Variants in NODAL observed in about 807,000 individuals in gnomAD.
The protein encoded by NODAL is nodal homolog.
Under a neutral mutation model 34.0 loss-of-function variants are expected in NODAL, and 12 were observed. That is an observed-to-expected ratio of 0.35 (90% confidence interval 0.23 to 0.57). The LOEUF is 0.57. Ranked by LOEUF, NODAL falls within the 20% of genes least tolerant of loss-of-function variation. NODAL has a pLI of 0.83. For missense variants in NODAL, 390 were observed against 444.2 expected, an observed-to-expected ratio of 0.88 and a Z score of 1.10; for synonymous variants, 162 against 186.4, an observed-to-expected ratio of 0.87 and a Z score of 1.07.
In NODAL at chr10:70,435,343, G is replaced by A. The variant is rs1564667124; in HGVS notation, c.834C>T (p.Gly278=). The A allele has an allele frequency of 3.1e-6, 5 of 1,614,064 alleles. No homozygotes were observed. The highest frequency in any genetic ancestry group is 3.4e-6 in the Non-Finnish European group (4 of 1,179,956). Residue 278 remains glycine, a synonymous_variant, in exon 2 of 3, where the codon GGC becomes GGT. Coordinates refer to ENST00000287139, the MANE Select transcript of NODAL (RefSeq NM_018055.5). ...CCTCCCCAACAGGATTAGGACACTC[G>A]CCCTCACAGCGATAGGCGTTGTACT... The part of the protein sequence containing the change: ...PKQYNAYRCE[G]ECPNPVGEEF...
intron 1 of NODAL, chr10:70,436,551 T>TGAAA (rs1845356381): frequency 3.3e-5 from 1 of 30,608 alleles, no homozygotes; most frequent in Non-Finnish European, 7.3e-5. Context: ...AGAGTGAAAC[T>TGAAA]CTGTCTCAAA....
intron 1 of NODAL, chr10:70,436,345 A>G: frequency 5.8e-6 from 2 of 344,342 alleles, no homozygotes; most frequent in Non-Finnish European, 1.1e-5. Flanking sequence ...GATGAGTTGC[A>G]TCTCCCCCTC....
chr10:70,445,210 T>C (rs1028432533), upstream of NODAL, among the ~76,000 whole-genome samples: 2 of 152,190 alleles, frequency 1.3e-5, no homozygotes, highest in African/African-American at 2.4e-5. Context: ...AAAGATGGCA[T>C]GCTTTCCATG....
intron 1 of NODAL, among the ~76,000 whole-genome samples, chr10:70,438,314 T>C (rs1845383374): frequency 6.6e-6 from 1 of 152,002 alleles, no homozygotes; most frequent in Non-Finnish European, 1.5e-5. Flanking sequence ...AAAAACTTTA[T>C]CTCAACTCTT....
chr10:70,440,177 G>A (rs895318762), intron 1 of NODAL, among the ~76,000 whole-genome samples: 1 of 152,176 alleles, frequency 6.6e-6, no homozygotes, highest in Non-Finnish European at 1.5e-5. Flanking sequence ...GGGACAACAG[G>A]GAATCAGGAA....
rs536116678 is a variant in NODAL at position 70,432,789 on chromosome 10, T to A, written c.*147A>T. 1.1e-6 allele frequency: 1 copy of A among 869,662 alleles called. No individual in the cohort carries two copies. Among genetic ancestry groups the A allele is most frequent in the South Asian group, 1.4e-5 (1 of 72,258 alleles). The allele number at this position is 869,662 out of a possible 1,614,324, so 53.9% of individuals were successfully genotyped here. A position where few individuals can be genotyped will look rare whatever the true frequency, so the allele number is the denominator to read the frequency against. ...TCCACTGAGCCCTTCATTTACAGAG[T>A]GGGCAGCCCCTCCTCTTCAGTTCTG... On this transcript the variant is annotated 3_prime_UTR_variant, in exon 3 of 3. Coordinates refer to ENST00000287139, the MANE Select transcript of NODAL (RefSeq NM_018055.5).
chr10:70,435,171 G>T, intron 2 of NODAL, 115 bp downstream of exon 2: 2 of 899,746 alleles, frequency 2.2e-6, no homozygotes, highest in Non-Finnish European at 3.5e-6. Flanking sequence ...CTGGTACATT[G>T]GAGGTGCTTG....
In NODAL at chr10:70,432,509, TCACA is replaced by T. The variant is rs944864514; in HGVS notation, c.*423_*426del. 13 of 300,064 alleles carry T rather than the reference TCACA, an allele frequency of 4.3e-5. No homozygotes were observed. The highest frequency in any genetic ancestry group is 4.6e-5 in the Non-Finnish European group (7 of 153,542). The allele number at this position is 300,064 out of a possible 1,614,324, so 18.6% of individuals were successfully genotyped here. A position where few individuals can be genotyped will look rare whatever the true frequency, so the allele number is the denominator to read the frequency against. On this transcript the variant is annotated 3_prime_UTR_variant, in exon 3 of 3. Coordinates refer to ENST00000287139, the MANE Select transcript of NODAL (RefSeq NM_018055.5). ...CTTAATCTTTGGGGAGGGGGACAGG[TCACA>T]CACAGACTACTTTGGAGAATACATG...
At chr10:70,442,606 T>C (rs1845445008), upstream of NODAL, among the ~76,000 whole-genome samples, 1 of 152,218 alleles carries the variant, frequency 6.6e-6, no homozygotes, top group African/African-American at 2.4e-5. Context: ...CCCCAGTGTC[T>C]GGCCCCATCC....
rs748622757 is a variant in NODAL, at chr10:70,432,980, C to T, written c.1000G>A (p.Asp334Asn). 1.9e-6 allele frequency: 3 copies of T among 1,614,132 alleles called. No homozygotes were observed. Among genetic ancestry groups the T allele is most frequent in the African/African-American group, 1.3e-5 (1 of 75,014 alleles). ...TCCACGATCATGTCTTTATGGTGAT[C>T]TAGGAGCACTCTGCCATTATCCACA... ...LYVDNGRVLL[D>N]HHKDMIVEEC... Residue 334 changes from aspartate to asparagine, a missense_variant, in exon 3 of 3, where the codon GAT (aspartate) becomes AAT (asparagine). Asp to Asn is a conservative substitution (Grantham distance 23). Coordinates refer to ENST00000287139, the MANE Select transcript of NODAL (RefSeq NM_018055.5).
chr10:70,437,958 C>T (rs1028783538), intron 1 of NODAL, among the ~76,000 whole-genome samples: 1 of 152,124 alleles, frequency 6.6e-6, no homozygotes, highest in Non-Finnish European at 1.5e-5. Context: ...CTCACTGCTG[C>T]CACCTGTACC....
At chr10:70,436,297 G>C in intron 1 of NODAL, 2 of 421,264 alleles carry the variant, frequency 4.7e-6, no homozygotes, top group East Asian at 5.2e-5. Context: ...CCCCTTCCAA[G>C]ATAACTTGCA....
chr10:70,436,111 C>G (rs577211839), intron 1 of NODAL, 128 bp from the exon 2 acceptor site: 47 of 788,230 alleles, frequency 6.0e-5, no homozygotes, highest in South Asian at 5.4e-4. Flanking sequence ...GAATTCTCAC[C>G]CCAACTCTAT....
intron 1 of NODAL, among the ~76,000 whole-genome samples, chr10:70,439,666 A>T (rs1251096493): frequency 6.6e-6 from 1 of 152,222 alleles, no homozygotes; most frequent in Non-Finnish European, 1.5e-5. Context: ...AGATGGAAGG[A>T]GTGGGGCCAG....
Position 70,441,560 on chromosome 10 carries a change from C to G in NODAL, c.108G>C (p.Ser36=). 6.3e-7 allele frequency: 1 copy of G among 1,581,308 alleles called. No homozygotes were observed. The highest frequency in any genetic ancestry group is 1.2e-5 in the South Asian group (1 of 86,720). The change falls in exon 1 of 3, where the codon TCG becomes TCC. Residue 36 remains serine, a synonymous_variant. Transcript: ENST00000287139. ...TALLRTRGQP[S]SPSPLAYMLS... ...GCATGTACGCCAGAGGGGATGGCGA[C>G]GAGGGCTGCCCCCGCGTACGCAGGA...
chr10:70,437,536 A>G (rs1424116104), intron 1 of NODAL, among the ~76,000 whole-genome samples: 3 of 152,266 alleles, frequency 2.0e-5, no homozygotes, highest in Non-Finnish European at 4.4e-5. Flanking sequence ...CTCTCTGATT[A>G]TCACAAGGAC....
At chr10:70,438,838 G>T (rs1845388594) in intron 1 of NODAL, among the ~76,000 whole-genome samples, 1 of 152,184 alleles carries the variant, frequency 6.6e-6, no homozygotes, top group African/African-American at 2.4e-5. Flanking sequence ...GGGTGTCACT[G>T]GTGCCTGATG....
At position 70,441,475 on chromosome 10, in the gene NODAL, C is replaced by G; in HGVS notation, c.193G>C (p.Asp65His). 2 of 1,578,096 alleles carry G rather than the reference C, an allele frequency of 1.3e-6. No individual in the cohort carries two copies. The highest frequency in any genetic ancestry group is 1.7e-6 in the Non-Finnish European group (2 of 1,164,312). ...GGGCGCGGCACGCGGCACTGCCTAC[C>G]TTCTGCCTGTAGGCTGCGGATGATG... ...ADIIRSLQAE[D>H]VAVDGQNWTF... Residue 65 changes from aspartate (D) to histidine (H), a missense_variant and splice_region_variant, in exon 1 of 3, where the codon GAT becomes CAT. Transcript: ENST00000287139.
upstream of NODAL, chr10:70,441,698 T>C (rs1845434463): frequency 6.5e-7 from 1 of 1,546,770 alleles, no homozygotes; most frequent in Non-Finnish European, 8.7e-7. Context: ...AAGCAGCACC[T>C]CCAGCCCTTA....
Sources: allele counts gnomAD v4.1 joint callset (sites outside exome capture counted in the v4.1 genomes callset), GRCh38; gene constraint gnomAD v4.1.1; transcripts MANE v1.5; gene names NCBI Gene and HGNC (gene_info 2026-07-23, HGNC 2026-07-21).